The following PRSS58 variants were observed in gnomAD, a reference collection of about 807,000 sequenced individuals.
PRSS58 encodes serine protease 58.
A neutral mutation model predicts 25.0 loss-of-function variants in PRSS58; 31 were observed. The observed-to-expected ratio is 1.24, with a 90% CI of 0.93 to 1.67. The LOEUF (loss-of-function observed/expected upper bound fraction) is 1.67. Among genes scored for constraint, PRSS58 ranks in the 40% most tolerant of loss-of-function variants. PRSS58 has a pLI of 0.00. For synonymous variants in PRSS58, 119 were observed against 106.1 expected (o/e 1.12, Z -0.75); for missense variants, 324 against 287.9 (o/e 1.13, Z -0.91).
chr7:142,256,860 G>A (rs1305318530), intron 2 of PRSS58, among the ~76,000 whole-genome samples: 1 of 152,142 alleles, frequency 6.6e-6, no homozygotes, highest in Non-Finnish European at 1.5e-5. Context: ...CTGGGTGAAG[G>A]GACTCCAGGC....
intron 4 of PRSS58, 37 bp downstream of exon 4, chr7:142,255,018 G>A: frequency 2.5e-6 from 4 of 1,606,200 alleles, no homozygotes; most frequent in Non-Finnish European, 3.4e-6. Context: ...GTAGAAGCAT[G>A]TCTAATTCTG....
intron 2 of PRSS58, among the ~76,000 whole-genome samples, chr7:142,257,204 T>C (rs980528464): frequency 6.6e-6 from 1 of 151,954 alleles, no homozygotes; most frequent in African/African-American, 2.4e-5. Flanking sequence ...GATGGTGAGA[T>C]GTGATTGAAT....
Position 142,255,268 on chromosome 7 carries a change from TAG to T in PRSS58, c.221_222del (p.Ser74Ter). 6.2e-7 allele frequency: 1 copy of T among 1,613,646 alleles called. No homozygotes were observed. The highest frequency in any genetic ancestry group is 8.5e-7 in the Non-Finnish European group (1 of 1,179,594). On this transcript the variant is annotated frameshift_variant, in exon 4 of 6. Transcript: ENST00000547058. LOFTEE classifies it high-confidence loss of function. ...CCAATCACTTGCAGATGCTTTTCAT[TAG>T]AGTCTGCTGGGATTGTAACCCCCAA... ...VILGVTIPAD[S>X]NEKHLQVIGY...
At chr7:142,257,783 A>G in intron 1 of PRSS58, 35 bp from the exon 2 acceptor site, 1 of 1,194,140 alleles carries the variant, frequency 8.4e-7, no homozygotes, top group Non-Finnish European at 1.2e-6. Context: ...TAAATAAAAC[A>G]AAGCAAGATT....
At chr7:142,252,771 A>C (rs1798490507) in intron 4 of PRSS58, among the ~76,000 whole-genome samples, 160 bp from the exon 5 acceptor site, 1 of 152,268 alleles carries the variant, frequency 6.6e-6, no homozygotes. Context: ...ATAGGAGATG[A>C]TCAGATTAAC....
intron 4 of PRSS58, 57 bp from the exon 5 acceptor site, chr7:142,252,668 CT>C: frequency 6.5e-7 from 1 of 1,538,052 alleles, no homozygotes; most frequent in Non-Finnish European, 8.7e-7. Context: ...ATTAAAACTT[CT>C]TTTAAAAAAC....
rs193229558 is a variant in PRSS58 at position 142,254,442 on chromosome 7, T to C, written c.436+613A>G. Among the ~76,000 whole-genome samples the C allele has an allele frequency of 2.0e-3, 299 of 152,304 alleles. 1 individual carries two copies. Among genetic ancestry groups the C allele is most frequent in the African/African-American group, 6.8e-3 (282 of 41,582 alleles). On this transcript the variant is annotated intron_variant, in intron 4 of 5. Transcript: ENST00000547058. ...TATCTAGTTCAGGAGTTTCAAATTA[T>C]GTATAGAAAACTTCCATTGATAAAA... is the stretch of plus-strand genomic sequence containing the variant.
At position 142,253,088 on chromosome 7, in the gene PRSS58, G is replaced by A. The variant is rs139015433; in HGVS notation, c.437-477C>T. On this transcript the variant is annotated intron_variant, in intron 4 of 5. Coordinates refer to ENST00000547058, the MANE Select transcript of PRSS58 (RefSeq NM_001001317.5). ...TGTAATGCCAGCTACTTGGGAGGCA[G>A]GAGAATTGCTTGAACTCAAGAAGCG... 5.9e-3 allele frequency among the ~76,000 whole-genome samples: 904 copies of A among 152,276 alleles called. 6 individuals are homozygous for A. Among genetic ancestry groups the A allele is most frequent in the African/African-American group, 0.021 (861 of 41,552 alleles).
At position 142,252,512 on chromosome 7, in the gene PRSS58, A is replaced by T. The variant is rs140175871; in HGVS notation, c.536T>A (p.Leu179Gln). Residue 179 changes from leucine (L) to glutamine (Q), a missense_variant, in exon 5 of 6, where the codon CTG becomes CAG. By Grantham distance (113) the Leu-to-Gln change is moderately radical. Transcript: ENST00000547058. Reference sequence around the variant, plus strand: ...CCTTCCTGGCACAATGCCCACACACAGCATATTTTCCGTGATGTTGTAGGT... The same window carrying T: ...CCTTCCTGGCACAATGCCCACACACTGCATATTTTCCGTGATGTTGTAGGT... ...YKTYNITENM[L>Q]CVGIVPGRRQ... 7.4e-6 allele frequency: 12 copies of T among 1,614,176 alleles called. No individual in the cohort carries two copies. Among genetic ancestry groups the T allele is most frequent in the African/African-American group, 1.3e-5 (1 of 75,044 alleles).
Position 142,255,254 on chromosome 7 carries a change from C to A in PRSS58, c.237G>T (p.Leu79=), listed in dbSNP as rs1179268974. Residue 79 remains leucine (L), a synonymous_variant, in exon 4 of 6, where the codon CTG becomes CTT. Transcript: ENST00000547058. ...TCATCTTCTCATAGCCAATCACTTGCAGATGCTTTTCATTAGAGTCTGCTG... is the reference window on the plus strand; with the variant it reads ...TCATCTTCTCATAGCCAATCACTTGAAGATGCTTTTCATTAGAGTCTGCTG... The part of the protein sequence containing the change: ...TIPADSNEKH[L]QVIGYEKMIH... The A allele has an allele frequency of 6.2e-7, 1 of 1,613,718 alleles. No individual in the cohort carries two copies. The highest frequency in any genetic ancestry group is 2.2e-5 in the East Asian group (1 of 44,886).
chr7:142,255,189 T>A lies in PRSS58; in HGVS notation c.302A>T (p.Asp101Val), dbSNP rs754120540. 42 of 1,614,050 alleles carry A rather than the reference T, an allele frequency of 2.6e-5. No individual in the cohort carries two copies. The Admixed American group carries it at 7.0e-4, about 27-fold the overall frequency. ...TGTTTTCAGCTTGATTAGCATGATG[T>A]CATGATCAATAGAAGTGACTGAGAA... ...PHFSVTSIDHDIMLIKLKTEA... is the reference protein window; with the variant it reads ...PHFSVTSIDHVIMLIKLKTEA... The change falls in exon 4 of 6, where the codon GAC becomes GTC. Residue 101 changes from aspartate to valine, a missense_variant. By Grantham distance (152) the Asp-to-Val change is radical. Transcript: ENST00000547058.
chr7:142,256,510 T>C (rs1487989677), intron 2 of PRSS58, among the ~76,000 whole-genome samples: 2 of 152,284 alleles, frequency 1.3e-5, no homozygotes, highest in East Asian at 1.9e-4. Flanking sequence ...GTTGCTCAGA[T>C]TGGAGTGCAG....
At chr7:142,257,773 T>C in intron 1 of PRSS58, 25 bp from the exon 2 acceptor site, 2 of 1,271,572 alleles carry the variant, frequency 1.6e-6, no homozygotes, top group Non-Finnish European at 2.3e-6. Context: ...AGAAAACAAC[T>C]AAATAAAACA....
chr7:142,252,836 G>A (rs1798492158), intron 4 of PRSS58, among the ~76,000 whole-genome samples: 1 of 152,184 alleles, frequency 6.6e-6, no homozygotes, highest in Non-Finnish European at 1.5e-5. Context: ...ATTCTTGGGA[G>A]TTACATGTAC....
At chr7:142,253,901 C>T (rs906946242) in intron 4 of PRSS58, among the ~76,000 whole-genome samples, 8 of 152,040 alleles carry the variant, frequency 5.3e-5, no homozygotes, top group African/African-American at 1.9e-4. Flanking sequence ...TCTCAGAGGA[C>T]AAATAATTTC....
chr7:142,255,390 C>T, intron 3 of PRSS58, 79 bp from the exon 4 acceptor site: 1 of 1,579,324 alleles, frequency 6.3e-7, no homozygotes, highest in Admixed American at 1.7e-5. Flanking sequence ...TATCCCTCCC[C>T]ACAGACCTTT....
chr7:142,255,958 A>G (rs1169637824), intron 2 of PRSS58, among the ~76,000 whole-genome samples: 1 of 152,218 alleles, frequency 6.6e-6, no homozygotes, highest in Non-Finnish European at 1.5e-5. Context: ...GTTGTATGCT[A>G]AATCAACGAA....
At chr7:142,253,537 G>A (rs542786992) in intron 4 of PRSS58, among the ~76,000 whole-genome samples, 1 of 152,174 alleles carries the variant, frequency 6.6e-6, no homozygotes, top group African/African-American at 2.4e-5. Context: ...CATGTGGCAC[G>A]TGTTCTTTCC....
chr7:142,252,315 A>C lies in PRSS58; in HGVS notation c.632T>G (p.Phe211Cys). 1 of 1,614,188 alleles carries C rather than the reference A, an allele frequency of 6.2e-7. No individual in the cohort carries two copies. The highest frequency in any genetic ancestry group is 8.5e-7 in the Non-Finnish European group (1 of 1,180,032). Residue 211 changes from phenylalanine to cysteine, a missense_variant, in exon 6 of 6, where the codon TTT becomes TGT. Phe to Cys is a radical substitution (Grantham distance 205, BLOSUM62 -2). Transcript: ENST00000547058. ...AGCTCTCAAAACACATCCATCCGCA[A>C]AAGACAGGATTCCTTGAAGCATCCC... ...CNGMLQGILS[F>C]ADGCVLRADV...
Sources: allele counts gnomAD v4.1 joint callset (sites outside exome capture counted in the v4.1 genomes callset), GRCh38; gene constraint gnomAD v4.1.1; transcripts MANE v1.5; gene names NCBI Gene and HGNC (gene_info 2026-07-23, HGNC 2026-07-21).